CTNNA2: variants seen among roughly 807,000 people sequenced by gnomAD.
CTNNA2 encodes the protein catenin alpha-2.
Under a neutral mutation model 101.0 loss-of-function variants are expected in CTNNA2, and 42 were observed. The ratio of observed to expected loss-of-function variants is 0.42; its 90% CI spans 0.32 to 0.54. The LOEUF is 0.54. CTNNA2 is among the 20% of genes least tolerant of loss of function. The pLI is 0.14. For synonymous variants in CTNNA2, 450 were observed against 456.4 expected (o/e 0.99, Z 0.18); for missense variants, 871 against 1,223.1 (o/e 0.71, Z 4.29).
At chr2:79,726,389 G>C (rs1238471303) in intron 2 of CTNNA2, among the ~76,000 whole-genome samples, 1 of 152,186 alleles carries the variant, frequency 6.6e-6, no homozygotes, top group East Asian at 1.9e-4. Context: ...CCCACAGCAG[G>C]AGGTGAGTGG....
At position 79,719,860 on chromosome 2, in the gene CTNNA2, A is replaced by G. The variant is rs144033701; in HGVS notation, c.103-24527A>G. 6.9e-3 allele frequency among the ~76,000 whole-genome samples: 1,052 copies of G among 152,086 alleles called. 3 individuals carry two copies. Among genetic ancestry groups the G allele is most frequent in the Middle Eastern group, 0.027 (8 of 292 alleles). On this transcript the variant is annotated intron_variant, in intron 2 of 18. Transcript: ENST00000402739. ...TATTAGCTGCCTGTTTACTCTATCT[A>G]CTGTTTCTTTTGCTGTGCAGAAGCT...
intron 9 of CTNNA2, among the ~76,000 whole-genome samples, chr2:80,500,212 A>G (rs944728973): frequency 3.9e-5 from 6 of 152,246 alleles, no homozygotes; most frequent in Non-Finnish European, 8.8e-5. Flanking sequence ...TCAAAAAGAC[A>G]GAAGCTATGT....
intron 2 of CTNNA2, among the ~76,000 whole-genome samples, chr2:79,295,766 C>T (rs752336139): frequency 6.6e-6 from 1 of 152,032 alleles, no homozygotes; most frequent in Non-Finnish European, 1.5e-5. Context: ...TCCTATTTTA[C>T]CAGTTCTTTA....
At chr2:79,409,980 G>A (rs1678389914) in intron 4 of CTNNA2, among the ~76,000 whole-genome samples, 1 of 151,320 alleles carries the variant, frequency 6.6e-6, no homozygotes, top group South Asian at 2.1e-4. Context: ...ATTTCATTGA[G>A]CAGTGGTTTG....
At chr2:80,129,850 A>G (rs184153579) in intron 7 of CTNNA2, among the ~76,000 whole-genome samples, 431 of 152,246 alleles carry the variant, frequency 2.8e-3, no homozygotes, top group Non-Finnish European at 4.5e-3. Context: ...CATCTAGTGC[A>G]AGTCTGCAAG....
intron 3 of CTNNA2, among the ~76,000 whole-genome samples, chr2:79,363,124 C>A (rs1677667671): frequency 6.6e-6 from 1 of 152,208 alleles, no homozygotes; most frequent in South Asian, 2.1e-4. Context: ...GTGGCTTAAA[C>A]AACAGAAACT....
chr2:79,218,352 T>TGTGTGTGTG (rs1491322056), intron 2 of CTNNA2, among the ~76,000 whole-genome samples: 18 of 82,596 alleles, frequency 2.2e-4, no homozygotes, highest in Middle Eastern at 6.5e-3. Flanking sequence ...TGTGTGTGTA[T>TGTGTGTGTG]TTTTTTTTTT....
intron 4 of CTNNA2, among the ~76,000 whole-genome samples, chr2:79,500,291 A>G (rs1573194973): frequency 1.3e-5 from 2 of 152,206 alleles, no homozygotes; most frequent in African/African-American, 2.4e-5. Context: ...CTTATATTAC[A>G]TATTTATTTG....
In CTNNA2 at chr2:79,250,790, G is replaced by C. The variant is rs116245501; in HGVS notation, c.-406+52714G>C. 6.5e-3 allele frequency among the ~76,000 whole-genome samples: 993 copies of C among 152,242 alleles called. 7 individuals carry two copies. The highest frequency in any genetic ancestry group is 0.023 in the African/African-American group (946 of 41,550). Reference sequence around the variant, plus strand: ...ACATTTGAATGCCTTATTTAGGTCTGCCTCTCTGCATCCTCATGGTTTCTT... The same window carrying C: ...ACATTTGAATGCCTTATTTAGGTCTCCCTCTCTGCATCCTCATGGTTTCTT... On this transcript the variant is annotated intron_variant, in intron 2 of 21. Transcript: ENST00000466387.
chr2:80,361,015 T>C (rs1674354725), intron 7 of CTNNA2, among the ~76,000 whole-genome samples: 1 of 152,072 alleles, frequency 6.6e-6, no homozygotes, highest in Admixed American at 6.6e-5. Flanking sequence ...ATGGATGGTA[T>C]ACACGGATGT....
chr2:80,271,856 A>C (rs1392906998), intron 7 of CTNNA2, among the ~76,000 whole-genome samples: 1 of 152,216 alleles, frequency 6.6e-6, no homozygotes, highest in Non-Finnish European at 1.5e-5. Flanking sequence ...CCATATAAGG[A>C]TCATATTAAA....
intron 7 of CTNNA2, among the ~76,000 whole-genome samples, chr2:80,166,947 G>A (rs1704735441): frequency 6.6e-6 from 1 of 151,950 alleles, no homozygotes; most frequent in Non-Finnish European, 1.5e-5. Context: ...TCAAGTGTAA[G>A]ATATTACAGA....
At chr2:80,562,677 A>C (rs1693712197) in intron 12 of CTNNA2, among the ~76,000 whole-genome samples, 1 of 152,180 alleles carries the variant, frequency 6.6e-6, no homozygotes, top group African/African-American at 2.4e-5. Flanking sequence ...TAGAAACAAC[A>C]CAAATATCTA....
intron 9 of CTNNA2, among the ~76,000 whole-genome samples, chr2:80,542,945 T>C (rs1558568626): frequency 6.6e-6 from 1 of 151,980 alleles, no homozygotes; most frequent in Non-Finnish European, 1.5e-5. Context: ...GATCAGAATG[T>C]AGGAACCATT....
chr2:80,150,259 T>C (rs1703610906), intron 7 of CTNNA2, among the ~76,000 whole-genome samples: 1 of 152,206 alleles, frequency 6.6e-6, no homozygotes, highest in Non-Finnish European at 1.5e-5. Context: ...TTACCTCCTC[T>C]GAGGCTTCTC....
At position 79,891,822 on chromosome 2, in the gene CTNNA2, T is replaced by A. The variant is rs150726380; in HGVS notation, c.852+17480T>A. Among the ~76,000 whole-genome samples the A allele has an allele frequency of 4.2e-3, 638 of 151,728 alleles. 8 individuals carry two copies. Among genetic ancestry groups the A allele is most frequent in the African/African-American group, 0.014 (565 of 41,416 alleles). On this transcript the variant is annotated intron_variant, in intron 6 of 18. Transcript: ENST00000402739. ...CTGAAAATGCAAAACAACCTGAAAA[T>A]ATATATATATATGTCAAAATGCTTA...
At chr2:80,388,156 G>T (rs1184703774) in intron 7 of CTNNA2, among the ~76,000 whole-genome samples, 1 of 152,192 alleles carries the variant, frequency 6.6e-6, no homozygotes, top group East Asian at 1.9e-4. Flanking sequence ...TTAGAGAAGG[G>T]AGATCGTTTA....
intron 2 of CTNNA2, among the ~76,000 whole-genome samples, chr2:79,661,917 A>C (rs1364374574): frequency 1.3e-5 from 2 of 151,912 alleles, no homozygotes; most frequent in African/African-American, 4.8e-5. Flanking sequence ...GTAGATCTGA[A>C]GCTCCTAAGG....
At chr2:79,681,220 AT>A (rs1683542456) in intron 2 of CTNNA2, among the ~76,000 whole-genome samples, 1 of 152,032 alleles carries the variant, frequency 6.6e-6, no homozygotes, top group Admixed American at 6.6e-5. Flanking sequence ...TTTTCTACTA[AT>A]TTTTTTAGAG....
Sources: gnomAD v4.1 joint callset for allele counts (sites outside exome capture counted in the v4.1 genomes callset) on GRCh38, gnomAD v4.1.1 for gene constraint, MANE v1.5 for transcripts, NCBI Gene and HGNC (gene_info 2026-07-23, HGNC 2026-07-21) for gene names.